The following ADD3 variants were observed in gnomAD, a reference collection of about 807,000 sequenced individuals.
The protein encoded by ADD3 is adducin 3, also known as gamma-adducin.
ADD3 carries 25 observed loss-of-function variants against 80.2 expected under a neutral mutation model. That is an observed-to-expected ratio of 0.31 (90% CI 0.23 to 0.44). The LOEUF is 0.44. Ranked by LOEUF, ADD3 falls within the 20% of genes least tolerant of loss-of-function variation. The probability of loss-of-function intolerance (pLI) is 1.00; values close to 1 mark genes in which losing one functional copy is unlikely to be tolerated. For synonymous variants in ADD3, 284 were observed against 289.6 expected (o/e 0.98, Z 0.20); for missense variants, 829 against 847.5 (o/e 0.98, Z 0.27).
intron 1 of ADD3, among the ~76,000 whole-genome samples, chr10:109,997,904 C>T (rs1292674522): frequency 2.0e-5 from 3 of 152,256 alleles, no homozygotes; most frequent in East Asian, 1.9e-4. Flanking sequence ...CTTTTAATAA[C>T]GATCTAAATC....
chr10:110,065,044 A>C (rs926190199), intron 1 of ADD3, among the ~76,000 whole-genome samples: 1 of 152,088 alleles, frequency 6.6e-6, no homozygotes, highest in Admixed American at 6.6e-5. Context: ...ACCCTGTTTC[A>C]GAAAAGAAAA....
intron 1 of ADD3, among the ~76,000 whole-genome samples, chr10:110,084,718 T>G (rs915978679): frequency 6.6e-6 from 1 of 152,298 alleles, no homozygotes; most frequent in African/African-American, 2.4e-5. Context: ...CTCTTTTGGC[T>G]CTCATTAGGT....
intron 12 of ADD3, among the ~76,000 whole-genome samples, chr10:110,128,425 A>ATT (rs1414152610): frequency 2.3e-4 from 34 of 149,714 alleles, no homozygotes; most frequent in African/African-American, 6.4e-4. Context: ...TATTTTATTT[A>ATT]TTTTTTTTGA....
intron 1 of ADD3, among the ~76,000 whole-genome samples, chr10:110,084,305 C>G (rs1263378515): frequency 6.6e-6 from 1 of 152,176 alleles, no homozygotes; most frequent in Non-Finnish European, 1.5e-5. Flanking sequence ...TAATCATGAG[C>G]ACATACCTAG....
In ADD3 at chr10:110,114,685, G is replaced by A. The variant is rs564800175; in HGVS notation, c.335-1574G>A. ...TGGTAATATCAATATTAGAAGCAAAGTAAGGAGAAGAGAGAAGGTAAGAAA... is the reference window on the plus strand; with the variant it reads ...TGGTAATATCAATATTAGAAGCAAAATAAGGAGAAGAGAGAAGGTAAGAAA... On this transcript the variant is annotated intron_variant, in intron 3 of 14. Transcript: ENST00000356080. Among the ~76,000 whole-genome samples, 122 of 152,286 alleles carry A rather than the reference G, an allele frequency of 8.0e-4. 1 individual carries two copies. The highest frequency in any genetic ancestry group is 2.9e-3 in the African/African-American group (119 of 41,546).
At chr10:110,124,735 G>A (rs184206957) in intron 10 of ADD3, among the ~76,000 whole-genome samples, 45 of 152,300 alleles carry the variant, frequency 3.0e-4, no homozygotes, top group Non-Finnish European at 4.9e-4. Context: ...CCTTAGGCAA[G>A]ATCTTGTAGG....
intron 1 of ADD3, among the ~76,000 whole-genome samples, chr10:110,019,571 G>T (rs1853417538): frequency 6.6e-6 from 1 of 152,086 alleles, no homozygotes; most frequent in South Asian, 2.1e-4. Flanking sequence ...AGCTAGGATG[G>T]TCTCCATCTC....
chr10:110,116,231 T>A, intron 3 of ADD3, 28 bp from the exon 4 acceptor site: 2 of 1,611,584 alleles, frequency 1.2e-6, no homozygotes. Context: ...ATGACTCGTA[T>A]CTCTCTCCAC....
chr10:110,120,107 G>A (rs1311698113), intron 8 of ADD3, among the ~76,000 whole-genome samples: 5 of 150,108 alleles, frequency 3.3e-5, no homozygotes, highest in African/African-American at 1.2e-4. Flanking sequence ...AAGTTTTAGG[G>A]TACATGTGCA....
At chr10:110,009,346 C>A (rs555588812) in intron 1 of ADD3, among the ~76,000 whole-genome samples, 22 of 152,238 alleles carry the variant, frequency 1.4e-4, no homozygotes, top group African/African-American at 5.1e-4. Context: ...GGTTGCTTTT[C>A]TTGGAATGGC....
intron 1 of ADD3, among the ~76,000 whole-genome samples, chr10:110,063,737 T>TTATATATATATATATATA (rs139871560): frequency 2.3e-4 from 15 of 64,660 alleles, no homozygotes; most frequent in Non-Finnish European, 3.7e-4. Context: ...TATATATTCA[T>TTATATATATATATATATA]TATATATATA....
At chr10:110,014,552 T>A (rs952141696) in intron 1 of ADD3, among the ~76,000 whole-genome samples, 1 of 152,150 alleles carries the variant, frequency 6.6e-6, no homozygotes, top group African/African-American at 2.4e-5. Flanking sequence ...AGACAGAGTT[T>A]TTTACTCTTG....
At chr10:110,002,835 T>C (rs1233763006), upstream of ADD3, among the ~76,000 whole-genome samples, 3 of 152,226 alleles carry the variant, frequency 2.0e-5, no homozygotes, top group Admixed American at 6.5e-5. Flanking sequence ...CTTTCAGATA[T>C]TTAGCTGAGG....
At chr10:110,097,997 G>A (rs1174238754) in intron 1 of ADD3, among the ~76,000 whole-genome samples, 2 of 152,024 alleles carry the variant, frequency 1.3e-5, no homozygotes, top group African/African-American at 4.8e-5. Flanking sequence ...GGATGGTCTC[G>A]ATCTCCTGAC....
At chr10:110,118,019 T>TACACACACACACACACACACAC (rs148105742) in intron 5 of ADD3, among the ~76,000 whole-genome samples, 5 of 125,588 alleles carry the variant, frequency 4.0e-5, no homozygotes, top group Admixed American at 8.3e-5. Context: ...CTGTCTTCAA[T>TACACACACACACACACACACAC]ACACACACAC....
rs563520470 is a variant in ADD3 at position 110,128,477 on chromosome 10, G to A, written c.1609-1886G>A. ...GTTGCCCAGGCTAGAGTGCAGTGGC[G>A]CGATCTTGGCTCACTGCAAGCTCCG... On this transcript the variant is annotated intron_variant, in intron 12 of 14. Transcript: ENST00000356080. 8.0e-4 allele frequency among the ~76,000 whole-genome samples: 121 copies of A among 151,886 alleles called. 1 individual carries two copies. The highest frequency in any genetic ancestry group is 2.8e-3 in the African/African-American group (116 of 41,460).
chr10:110,074,570 A>G (rs1162172081), intron 1 of ADD3, among the ~76,000 whole-genome samples: 1 of 147,968 alleles, frequency 6.8e-6, no homozygotes, highest in Non-Finnish European at 1.5e-5. Flanking sequence ...GGGCTACCTC[A>G]TTTCCTTTTT....
At position 110,124,346 on chromosome 10, in the gene ADD3, T is replaced by C. The variant is rs1590229128; in HGVS notation, c.1401+72T>C. The C allele has an allele frequency of 1.9e-5, 28 of 1,496,444 alleles. No individual in the cohort carries two copies. The South Asian group carries it at 3.0e-4, about 16-fold the overall frequency. The allele number at this position is 1,496,444 out of a possible 1,614,324, so 92.7% of individuals were successfully genotyped here. A position where few individuals can be genotyped will look rare whatever the true frequency, so the allele number is the denominator to read the frequency against. On this transcript the variant is annotated intron_variant, in intron 10 of 14. Transcript: ENST00000356080. ...AGTTACTCAAGAATTGAATGTTCTATATTGAAAATATTTGGAAAGTAAAAT... is the reference window on the plus strand; with the variant it reads ...AGTTACTCAAGAATTGAATGTTCTACATTGAAAATATTTGGAAAGTAAAAT...
At chr10:110,126,045 A>G in intron 11 of ADD3, 100 bp downstream of exon 11, 3 of 1,213,826 alleles carry the variant, frequency 2.5e-6, no homozygotes, top group East Asian at 2.4e-5. Context: ...AGAAGTTTGA[A>G]TACAGAAGAA....
Sources: gnomAD v4.1 joint callset for allele counts (sites outside exome capture counted in the v4.1 genomes callset) on GRCh38, gnomAD v4.1.1 for gene constraint, MANE v1.5 for transcripts, NCBI Gene and HGNC (gene_info 2026-07-23, HGNC 2026-07-21) for gene names.